The following ACTR3C variants were observed in gnomAD, a reference collection of about 807,000 sequenced individuals.
ACTR3C encodes actin-related protein 3C.
A neutral mutation model predicts 26.3 loss-of-function variants in ACTR3C; 18 were observed. The observed-to-expected ratio is 0.68, with a 90% CI of 0.47 to 1.01. The LOEUF is 1.01. ACTR3C is among the 50% of genes least tolerant of loss of function. The pLI is 0.00. For missense variants in ACTR3C, 184 were observed against 250.7 expected, an observed-to-expected ratio of 0.73 and a Z score of 1.80; for synonymous variants, 55 against 94.5, an observed-to-expected ratio of 0.58 and a Z score of 2.42.
At chr7:150,085,314 C>T in the ACTR3C span, among the ~76,000 whole-genome samples, 2 of 152,196 alleles carry the variant, frequency 1.3e-5, no homozygotes, top group East Asian at 3.9e-4. Flanking sequence ...ACAATGCATC[C>T]AGAAGAGGGC....
chr7:150,303,606 C>T (rs567807105), intron 1 of ACTR3C, among the ~76,000 whole-genome samples: 21 of 152,206 alleles, frequency 1.4e-4, no homozygotes, highest in Admixed American at 2.6e-4. Flanking sequence ...CAGGCCACAT[C>T]CTTATGGGTT....
the ACTR3C span, among the ~76,000 whole-genome samples, chr7:150,091,210 AAACCCGCTGC>A: frequency 7.4e-6 from 1 of 134,924 alleles, no homozygotes; most frequent in East Asian, 2.3e-4. Context: ...TGGGGTCTGG[AAACCCGCTGC>A]ATTCTCAATT....
At chr7:150,292,063 C>T (rs899467602) in intron 3 of ACTR3C, among the ~76,000 whole-genome samples, 1 of 149,522 alleles carries the variant, frequency 6.7e-6, no homozygotes, top group African/African-American at 2.5e-5. Context: ...GTACATCACC[C>T]CATCACCTTC....
In ACTR3C at chr7:150,275,331, T is replaced by A. The variant is rs201883309; in HGVS notation, c.564+9422A>T. ...CTCACAACATAATGCTGTTAATACA[T>A]AGCATATGAAACATAAATACAAGAG... On this transcript the variant is annotated intron_variant, in intron 6 of 7. Coordinates refer to ENST00000683684, the MANE Select transcript of ACTR3C (RefSeq NM_001164458.2). 8.5e-5 allele frequency among the ~76,000 whole-genome samples: 13 copies of A among 152,198 alleles called. No homozygotes were observed. The East Asian group carries it at 2.5e-3, about 29-fold the overall frequency.
At chr7:149,891,205 G>C in the ACTR3C span, 1 of 1,028,544 alleles carries the variant, frequency 9.7e-7, no homozygotes, top group Non-Finnish European at 1.4e-6. Context: ...AAAAAATAAT[G>C]GTCCTCAGGT....
chr7:150,205,734 T>C, the ACTR3C span, among the ~76,000 whole-genome samples: 3 of 152,176 alleles, frequency 2.0e-5, no homozygotes, highest in Admixed American at 2.0e-4. Context: ...AATTCAGTTC[T>C]GGCGAGCTCT....
the ACTR3C span, among the ~76,000 whole-genome samples, chr7:149,933,493 C>G: frequency 6.6e-6 from 1 of 152,042 alleles, no homozygotes; most frequent in South Asian, 2.1e-4. Flanking sequence ...TCTGGTTAAG[C>G]CAGCGAATGA....
chr7:149,884,175 G>A, the ACTR3C span, among the ~76,000 whole-genome samples: 1 of 152,322 alleles, frequency 6.6e-6, no homozygotes, highest in East Asian at 1.9e-4. Context: ...CCTTATCTGT[G>A]TGCTGGAAGT....
the ACTR3C span, among the ~76,000 whole-genome samples, chr7:149,958,352 C>A: frequency 2.1e-4 from 32 of 152,284 alleles, no homozygotes; most frequent in Non-Finnish European, 3.8e-4. Flanking sequence ...TCTTGATCCA[C>A]CATAGCCAAG....
chr7:150,252,964 G>C (rs1175045002), intron 6 of ACTR3C, among the ~76,000 whole-genome samples: 1 of 151,256 alleles, frequency 6.6e-6, no homozygotes, highest in Non-Finnish European at 1.5e-5. Flanking sequence ...CAACTCTGCA[G>C]ATTCTGCAGC....
At chr7:150,069,929 A>G in the ACTR3C span, among the ~76,000 whole-genome samples, 3 of 152,236 alleles carry the variant, frequency 2.0e-5, no homozygotes, top group African/African-American at 7.2e-5. Flanking sequence ...GGGGAAGTCC[A>G]CATGCTGAAT....
chr7:150,098,011 C>T, the ACTR3C span, among the ~76,000 whole-genome samples: 1 of 151,578 alleles, frequency 6.6e-6, no homozygotes, highest in Non-Finnish European at 1.5e-5. Context: ...AGGATCCTCC[C>T]CAACATGGTC....
chr7:150,320,656 C>T (rs1797410807), intron 1 of ACTR3C, among the ~76,000 whole-genome samples: 1 of 152,074 alleles, frequency 6.6e-6, no homozygotes, highest in African/African-American at 2.4e-5. Context: ...CCAGCTACTT[C>T]GAAGGCTGAA....
chr7:149,883,294 C>T, the ACTR3C span, among the ~76,000 whole-genome samples: 3 of 152,150 alleles, frequency 2.0e-5, no homozygotes, highest in Non-Finnish European at 2.9e-5. Flanking sequence ...CACTATGTAC[C>T]CAACTTCTGT....
the ACTR3C span, among the ~76,000 whole-genome samples, chr7:150,101,863 G>C: frequency 7.8e-3 from 1,190 of 151,614 alleles, 20 homozygotes; most frequent in Non-Finnish European, 0.012. Flanking sequence ...TGAAAATTGG[G>C]GTACATTCTT....
At chr7:150,042,490 C>CA in the ACTR3C span, among the ~76,000 whole-genome samples, 1 of 145,590 alleles carries the variant, frequency 6.9e-6, no homozygotes. Flanking sequence ...TCGCAGTCCC[C>CA]GCCTCGCGGG....
At chr7:150,218,100 TA>T in the ACTR3C span, among the ~76,000 whole-genome samples, 13 of 149,650 alleles carry the variant, frequency 8.7e-5, no homozygotes, top group African/African-American at 3.0e-4. Flanking sequence ...CCAAAACATC[TA>T]CTAAACTGAC....
the ACTR3C span, among the ~76,000 whole-genome samples, chr7:150,142,060 C>T: frequency 5.3e-5 from 8 of 152,160 alleles, no homozygotes; most frequent in Non-Finnish European, 8.8e-5. Flanking sequence ...GATGCAACCC[C>T]GCCTCCGATG....
At chr7:150,198,588 T>G in the ACTR3C span, among the ~76,000 whole-genome samples, 3 of 144,410 alleles carry the variant, frequency 2.1e-5, no homozygotes, top group African/African-American at 8.1e-5. Context: ...GTCTGAGAAG[T>G]GAGGAGATCC....
Sources: allele counts gnomAD v4.1 joint callset (sites outside exome capture counted in the v4.1 genomes callset), GRCh38; gene constraint gnomAD v4.1.1; transcripts MANE v1.5; gene names NCBI Gene and HGNC (gene_info 2026-07-23, HGNC 2026-07-21).